TENM3: variants seen among roughly 807,000 people sequenced by gnomAD.
The protein encoded by TENM3 is teneurin transmembrane protein 3.
A neutral mutation model predicts 255.1 loss-of-function variants in TENM3; 63 were observed. That is an observed-to-expected ratio of 0.25 (90% CI 0.20 to 0.30). TENM3 has a LOEUF of 0.30. Ranked by LOEUF, TENM3 falls within the 10% of genes least tolerant of loss-of-function variation. The probability of loss-of-function intolerance (pLI) is 1.00; values close to 1 mark genes in which losing one functional copy is unlikely to be tolerated. For synonymous variants in TENM3, 1,306 were observed against 1,322.3 expected (o/e 0.99, Z 0.27); for missense variants, 2,929 against 3,461.1 (o/e 0.85, Z 3.86).
the TENM3 span, among the ~76,000 whole-genome samples, chr4:181,622,242 C>T: frequency 6.6e-6 from 1 of 152,180 alleles, no homozygotes; most frequent in Non-Finnish European, 1.5e-5. Context: ...TGCCCCACTG[C>T]CTCTTTCCTG....
chr4:181,736,684 C>T, the TENM3 span, among the ~76,000 whole-genome samples: 3 of 151,880 alleles, frequency 2.0e-5, no homozygotes, highest in Non-Finnish European at 2.9e-5. Flanking sequence ...CTGGCCTCAA[C>T]TAGGTTATTT....
chr4:182,778,000 A>C (rs1003393822), intron 24 of TENM3, among the ~76,000 whole-genome samples: 2 of 152,120 alleles, frequency 1.3e-5, no homozygotes, highest in African/African-American at 2.4e-5. Context: ...AATAACAAGC[A>C]CAGGAAACTG....
chr4:182,591,235 T>C (rs1329962529), intron 3 of TENM3, among the ~76,000 whole-genome samples: 1 of 151,914 alleles, frequency 6.6e-6, no homozygotes, highest in Non-Finnish European at 1.5e-5. Flanking sequence ...TACAGTAGAA[T>C]CTAAAAAAAG....
chr4:182,297,514 C>T (rs1044972606), intron 1 of TENM3, among the ~76,000 whole-genome samples: 6 of 152,166 alleles, frequency 3.9e-5, no homozygotes, highest in East Asian at 3.9e-4. Flanking sequence ...TTTCAGATTT[C>T]GTCTTCATTA....
the TENM3 span, among the ~76,000 whole-genome samples, chr4:182,060,434 TC>T: frequency 6.6e-6 from 1 of 152,016 alleles, no homozygotes; most frequent in African/African-American, 2.4e-5. Context: ...CGAGATCCCT[TC>T]CATGCACAGT....
At chr4:182,086,984 A>G in the TENM3 span, among the ~76,000 whole-genome samples, 1 of 152,184 alleles carries the variant, frequency 6.6e-6, no homozygotes, top group African/African-American at 2.4e-5. Context: ...GTATGTGAAT[A>G]TTTTGAGTTC....
chr4:181,996,993 C>T, the TENM3 span, among the ~76,000 whole-genome samples: 1 of 152,086 alleles, frequency 6.6e-6, no homozygotes, highest in East Asian at 1.9e-4. Flanking sequence ...AGCTTTGATG[C>T]AAAGAAATCA....
chr4:181,888,490 A>ATG, the TENM3 span, among the ~76,000 whole-genome samples: 2 of 45,230 alleles, frequency 4.4e-5, no homozygotes, highest in East Asian at 6.1e-4. Flanking sequence ...ACCAATAGAA[A>ATG]TGTGTATATA....
At chr4:182,084,593 C>T in the TENM3 span, among the ~76,000 whole-genome samples, 110,498 of 151,954 alleles carry the variant, frequency 0.73, 40,292 homozygotes, top group Middle Eastern at 0.81. Flanking sequence ...TTGAACCTTA[C>T]TTGTTGACCT....
chr4:182,077,841 G>T, the TENM3 span, among the ~76,000 whole-genome samples: 1 of 152,034 alleles, frequency 6.6e-6, no homozygotes, highest in African/African-American at 2.4e-5. Flanking sequence ...GGTGGGAGGG[G>T]GCGTGGCACC....
the TENM3 span, among the ~76,000 whole-genome samples, chr4:181,982,144 C>T: frequency 3.9e-5 from 6 of 152,114 alleles, no homozygotes; most frequent in Admixed American, 2.6e-4. Flanking sequence ...GAAAGAAAGA[C>T]GACGGCTATC....
chr4:182,437,026 C>T (rs1009700741), intron 3 of TENM3, among the ~76,000 whole-genome samples: 6 of 39,202 alleles, frequency 1.5e-4, no homozygotes, highest in Non-Finnish European at 5.2e-4. Flanking sequence ...GAAACTCCGC[C>T]TCCAAAAAAA....
At chr4:182,665,205 A>G (rs1754563345) in intron 6 of TENM3, among the ~76,000 whole-genome samples, 2 of 152,190 alleles carry the variant, frequency 1.3e-5, no homozygotes, top group South Asian at 4.1e-4. Context: ...CTAGAATCCT[A>G]GGGCCCTTAA....
At position 182,653,804 on chromosome 4, in the gene TENM3, A is replaced by G. The variant is rs752168671; in HGVS notation, c.1022A>G (p.Gln341Arg). The G allele has an allele frequency of 9.3e-6, 15 of 1,613,014 alleles. No individual in the cohort carries two copies. In the South Asian group the frequency reaches 1.4e-4, roughly 15 times the overall value. ...CTCTTTGGCCTCAACTGGCAGCTAC[A>G]GCAGACTGAAAATGACACATTTGAG... is the stretch of plus-strand genomic sequence containing the variant. ...MHLFGLNWQL[Q>R]QTENDTFENG... Residue 341 changes from glutamine (Q) to arginine (R), a missense_variant, in exon 6 of 28, where the codon CAG (glutamine) becomes CGG (arginine). Around this residue, in one of 6 missense-constraint regions of TENM3, gnomAD observed 1,608 missense variants for 1,884.4 expected, o/e 0.85. Transcript: ENST00000511685.
In TENM3 at chr4:182,793,487, C is replaced by T; in HGVS notation, c.6815C>T (p.Ser2272Phe). 5.0e-6 allele frequency: 8 copies of T among 1,613,918 alleles called. No homozygotes were observed. The highest frequency in any genetic ancestry group is 6.8e-6 in the Non-Finnish European group (8 of 1,179,866). The change falls in exon 26 of 28, where the codon TCC becomes TTC. Residue 2272 changes from serine to phenylalanine, a missense_variant. Ser to Phe is a radical substitution (Grantham distance 155, BLOSUM62 -2). Coordinates refer to ENST00000511685, the MANE Select transcript of TENM3 (RefSeq NM_001080477.4). This position sits in a 1 kb window ranked among gnomAD's most constrained non-coding sequence, Gnocchi z 5.7. Reference protein sequence around the residue: ...VYNHSSSEITSLYYDLQGHLF... With the variant: ...VYNHSSSEITFLYYDLQGHLF... ...AACCATTCGAGTTCAGAAATTACCT[C>T]CCTGTATTATGATCTCCAAGGACAT...
At chr4:182,599,000 T>G (rs192016646) in intron 3 of TENM3, among the ~76,000 whole-genome samples, 2 of 152,344 alleles carry the variant, frequency 1.3e-5, no homozygotes, top group Admixed American at 1.3e-4. Flanking sequence ...CTGCTTCTTT[T>G]TAGGCAAAGT....
chr4:182,400,510 T>A (rs985323836), intron 3 of TENM3, among the ~76,000 whole-genome samples: 19 of 152,248 alleles, frequency 1.2e-4, no homozygotes, highest in African/African-American at 3.9e-4. Context: ...CCAAGTACTG[T>A]TGATATTGTA....
the TENM3 span, among the ~76,000 whole-genome samples, chr4:181,782,359 G>T: frequency 2.0e-5 from 3 of 152,156 alleles, no homozygotes; most frequent in African/African-American, 7.2e-5. Context: ...GAGGGTGTAT[G>T]TGTCCAGGAA....
chr4:182,227,365 C>T (rs1450431206), intron 1 of TENM3, among the ~76,000 whole-genome samples: 1 of 152,132 alleles, frequency 6.6e-6, no homozygotes, highest in East Asian at 1.9e-4. Context: ...TTCCTGGGTC[C>T]CATGCCGGGG....
Sources: gnomAD v4.1 joint callset for allele counts (sites outside exome capture counted in the v4.1 genomes callset) on GRCh38, gnomAD v4.1.1 for gene constraint, gnomAD v4.1.1 regional missense constraint, Gnocchi (gnomAD v3.1) non-coding constraint, MANE v1.5 for transcripts, NCBI Gene and HGNC (gene_info 2026-07-23, HGNC 2026-07-21) for gene names.